Variants in ATP11B observed in about 807,000 individuals in gnomAD.
ATP11B encodes the protein ATPase phospholipid transporting 11B (putative), also known as phospholipid-transporting ATPase IF.
In ATP11B, 81 loss-of-function variants were observed where a neutral mutation model predicts 157.8. The observed-to-expected ratio is 0.51, with a 90% confidence interval of 0.43 to 0.62. The LOEUF is 0.62. ATP11B is among the 20% of genes least tolerant of loss of function. The probability of loss-of-function intolerance (pLI) is 0.00; values close to 1 mark genes in which losing one functional copy is unlikely to be tolerated. For missense variants in ATP11B, 1,165 were observed against 1,402.2 expected (o/e 0.83, Z 2.70); for synonymous variants, 451 against 469.4 (o/e 0.96, Z 0.51).
intron 24 of ATP11B, 137 bp downstream of exon 24, chr3:182,887,850 CAG>C: frequency 1.1e-6 from 1 of 939,322 alleles, no homozygotes; most frequent in Non-Finnish European, 1.5e-6. Context: ...TGTTGAATAT[CAG>C]AGAAAAAAAG....
intron 2 of ATP11B, among the ~76,000 whole-genome samples, chr3:182,825,415 A>T (rs1280081100): frequency 1.3e-5 from 2 of 152,096 alleles, no homozygotes; most frequent in African/African-American, 4.8e-5. Flanking sequence ...TAACTACATT[A>T]TCTTAAATTT....
intron 26 of ATP11B, 78 bp from the exon 27 acceptor site, chr3:182,897,225 A>T (rs1723614294): frequency 1.3e-6 from 1 of 773,750 alleles, no homozygotes; most frequent in African/African-American, 1.8e-5. Flanking sequence ...ACTTATGTTT[A>T]TTCTTGAGTT....
Position 182,834,932 on chromosome 3 carries a change from G to A in ATP11B, c.316-1103G>A, listed in dbSNP as rs998810096. Among the ~76,000 whole-genome samples, 6 of 152,150 alleles carry A rather than the reference G, an allele frequency of 3.9e-5. 1 individual carries two copies. The highest frequency in any genetic ancestry group is 3.9e-4 in the Admixed American group (6 of 15,278). ...CAGTCATTTAACACATATTTTGTGT[G>A]TTATATGTATTATATACTGTATTCT... On this transcript the variant is annotated intron_variant, in intron 4 of 29. Transcript: ENST00000323116.
intron 20 of ATP11B, among the ~76,000 whole-genome samples, chr3:182,880,414 T>C (rs1363062991): frequency 6.6e-6 from 1 of 152,150 alleles, no homozygotes; most frequent in African/African-American, 2.4e-5. Context: ...AAAAGTACAT[T>C]CAAGAATTCC....
At chr3:182,876,921 G>C (rs143747411) in intron 19 of ATP11B, among the ~76,000 whole-genome samples, 2 of 152,244 alleles carry the variant, frequency 1.3e-5, no homozygotes, top group East Asian at 3.9e-4. Flanking sequence ...TATTTTATGA[G>C]ATAACCATAG....
At chr3:182,873,769 A>T in intron 18 of ATP11B, 43 bp from the exon 19 acceptor site, 1 of 1,515,348 alleles carries the variant, frequency 6.6e-7, no homozygotes, top group Non-Finnish European at 9.2e-7. Context: ...AAATACAGTC[A>T]TAAAAGTATT....
chr3:182,857,647 A>T (rs1255962431), intron 10 of ATP11B, among the ~76,000 whole-genome samples: 1 of 152,182 alleles, frequency 6.6e-6, no homozygotes, highest in Non-Finnish European at 1.5e-5. Context: ...TTTAATGGTA[A>T]CATGGCTATA....
At position 182,916,984 on chromosome 3, in the gene ATP11B, A is replaced by G. The variant is rs2108600402; in HGVS notation, c.3453-1039A>G. On this transcript the variant is annotated intron_variant, in intron 29 of 29. Transcript: ENST00000323116. ...TGGGTGCCCAATATATGTCAGACAC[A>G]GTTCTAGATGCTAGGGAGACAGTAG... 3.0e-6 allele frequency: 3 copies of G among 984,340 alleles called. No homozygotes were observed. In the South Asian group the frequency reaches 1.4e-4, roughly 46 times the overall value. 61.0% of individuals were successfully genotyped at this position (984,340 alleles called of 1,614,324 possible). A position where few individuals can be genotyped will look rare whatever the true frequency, so the allele number is the denominator to read the frequency against.
chr3:182,836,645 C>T (rs1383634738), intron 6 of ATP11B, 175 bp downstream of exon 6: 2 of 698,564 alleles, frequency 2.9e-6, no homozygotes, highest in Admixed American at 3.3e-5. Flanking sequence ...ATCTTTATTT[C>T]AAGGGTAGCC....
At position 182,919,612 on chromosome 3, in the gene ATP11B, T is replaced by TAAA. The variant is rs1725341271; in HGVS notation, c.*1510_*1511insAAA. The TAAA allele has an allele frequency of 6.6e-6, 1 of 152,230 alleles. No individual in the cohort carries two copies. Among genetic ancestry groups the TAAA allele is most frequent in the South Asian group, 2.1e-4 (1 of 4,834 alleles). 9.4% of individuals were successfully genotyped at this position (152,230 alleles called of 1,614,324 possible). A position where few individuals can be genotyped will look rare whatever the true frequency, so the allele number is the denominator to read the frequency against. On this transcript the variant is annotated 3_prime_UTR_variant, in exon 30 of 30. Transcript: ENST00000323116. ...TTTACCAAGTTTTCCCTTGAAAATGTAATTCCTTTATGGAGATTTATTGTG... is the reference window on the plus strand; with the variant it reads ...TTTACCAAGTTTTCCCTTGAAAATGTAAAAATTCCTTTATGGAGATTTATTGTG...
intron 29 of ATP11B, chr3:182,916,178 C>T (rs1725130020): frequency 1.0e-6 from 1 of 985,182 alleles, no homozygotes; most frequent in Non-Finnish European, 1.2e-6. Flanking sequence ...TTTTTGTTTA[C>T]ATATAATTGT....
intron 12 of ATP11B, among the ~76,000 whole-genome samples, chr3:182,863,072 A>G (rs1720965729): frequency 1.3e-5 from 2 of 151,610 alleles, no homozygotes; most frequent in South Asian, 4.2e-4. Flanking sequence ...ACCCGCCACC[A>G]CACCTGGCTA....
intron 1 of ATP11B, among the ~76,000 whole-genome samples, chr3:182,815,120 A>G (rs543144940): frequency 6.6e-6 from 1 of 152,310 alleles, no homozygotes; most frequent in African/African-American, 2.4e-5. Context: ...TTTATATCCT[A>G]CAGCTTGAAA....
intron 1 of ATP11B, among the ~76,000 whole-genome samples, chr3:182,811,879 T>C (rs935664449): frequency 6.6e-6 from 1 of 152,192 alleles, no homozygotes; most frequent in African/African-American, 2.4e-5. Context: ...AACTAGATTG[T>C]GGTGAGACTG....
intron 21 of ATP11B, among the ~76,000 whole-genome samples, chr3:182,884,312 T>C (rs1722656193): frequency 1.3e-5 from 2 of 152,140 alleles, no homozygotes; most frequent in Admixed American, 6.5e-5. Flanking sequence ...TTCATGGAAG[T>C]GTTAAGCAAA....
chr3:182,898,526 C>G (rs1460956990), intron 27 of ATP11B, 81 bp from the exon 28 acceptor site: 3 of 1,108,992 alleles, frequency 2.7e-6, no homozygotes. Flanking sequence ...TTGTTACTTT[C>G]AACTGTAGTG....
At chr3:182,810,674 G>T (rs867391409) in intron 1 of ATP11B, among the ~76,000 whole-genome samples, 3 of 152,106 alleles carry the variant, frequency 2.0e-5, no homozygotes, top group Non-Finnish European at 4.4e-5. Context: ...CTACTGTTGA[G>T]AATGTTTTTA....
At chr3:182,813,289 C>T (rs980523627) in intron 1 of ATP11B, among the ~76,000 whole-genome samples, 3 of 152,294 alleles carry the variant, frequency 2.0e-5, no homozygotes, top group Admixed American at 1.3e-4. Flanking sequence ...TGAGAAACTG[C>T]CATACCATTT....
At chr3:182,799,222 A>G (rs535347699) in intron 1 of ATP11B, among the ~76,000 whole-genome samples, 6 of 151,780 alleles carry the variant, frequency 4.0e-5, no homozygotes, top group Non-Finnish European at 7.4e-5. Context: ...AGATTTAGCC[A>G]TGCTGTTTAT....
Sources: allele counts gnomAD v4.1 joint callset (sites outside exome capture counted in the v4.1 genomes callset), GRCh38; gene constraint gnomAD v4.1.1; transcripts MANE v1.5; gene names NCBI Gene and HGNC (gene_info 2026-07-23, HGNC 2026-07-21).